MAGI2: variants seen among roughly 807,000 people sequenced by gnomAD.
MAGI2 encodes the protein membrane associated guanylate kinase, WW and PDZ domain containing 2.
Under a neutral mutation model 133.3 loss-of-function variants are expected in MAGI2, and 35 were observed. That is an observed-to-expected ratio of 0.26 (90% CI 0.20 to 0.35). MAGI2 has a LOEUF of 0.35. Ranked by LOEUF, MAGI2 falls within the 10% of genes least tolerant of loss-of-function variation. The probability of loss-of-function intolerance (pLI) is 1.00; values close to 1 mark genes in which losing one functional copy is unlikely to be tolerated. For missense variants in MAGI2, 1,636 were observed against 1,863.4 expected (o/e 0.88, Z 2.25); for synonymous variants, 729 against 710.6 (o/e 1.03, Z -0.41).
chr7:78,094,378 A>G (rs185238937), intron 20 of MAGI2, among the ~76,000 whole-genome samples: 236 of 152,036 alleles, frequency 1.6e-3, no homozygotes, highest in Middle Eastern at 0.01. Context: ...TTTCAGTGAT[A>G]CTCCCTCAAA....
At chr7:78,020,446 A>C (rs771683594) in intron 21 of MAGI2, among the ~76,000 whole-genome samples, 1 of 152,012 alleles carries the variant, frequency 6.6e-6, no homozygotes, top group Non-Finnish European at 1.5e-5. Context: ...AGTCCTCTGT[A>C]TTTTTATCAG....
At chr7:78,953,457 G>A (rs1394651456) in intron 2 of MAGI2, among the ~76,000 whole-genome samples, 2 of 152,102 alleles carry the variant, frequency 1.3e-5, no homozygotes, top group Admixed American at 6.6e-5. Flanking sequence ...GTATGAAATA[G>A]AGTTAAATGG....
chr7:78,480,042 A>C (rs1792192510), intron 6 of MAGI2, among the ~76,000 whole-genome samples: 1 of 151,950 alleles, frequency 6.6e-6, no homozygotes, highest in African/African-American at 2.4e-5. Context: ...CACAAAGTTT[A>C]TTCAAAAAAT....
intron 2 of MAGI2, among the ~76,000 whole-genome samples, chr7:78,752,389 G>A (rs1177210915): frequency 6.6e-6 from 1 of 152,114 alleles, no homozygotes; most frequent in African/African-American, 2.4e-5. Context: ...GATCACCTGA[G>A]GTCAGGAGTT....
intron 1 of MAGI2, among the ~76,000 whole-genome samples, chr7:79,370,106 C>T (rs996587092): frequency 6.6e-6 from 1 of 152,002 alleles, no homozygotes; most frequent in Non-Finnish European, 1.5e-5. Flanking sequence ...TAATTTTCAT[C>T]TAGTTCTAAG....
At chr7:78,729,573 T>A (rs1398055888) in intron 2 of MAGI2, among the ~76,000 whole-genome samples, 1 of 152,230 alleles carries the variant, frequency 6.6e-6, no homozygotes, top group Non-Finnish European at 1.5e-5. Context: ...ATGTTCTAGC[T>A]GTCAGACTAG....
At chr7:78,455,902 C>A (rs2302640) in intron 6 of MAGI2, among the ~76,000 whole-genome samples, 49,746 of 151,668 alleles carry the variant, frequency 0.33, 11,303 homozygotes, top group African/African-American at 0.65. Flanking sequence ...ATCAGTAATA[C>A]CCTAATGTTT....
At chr7:79,178,803 G>A (rs1319416218) in intron 1 of MAGI2, among the ~76,000 whole-genome samples, 1 of 151,644 alleles carries the variant, frequency 6.6e-6, no homozygotes, top group African/African-American at 2.4e-5. Flanking sequence ...ATATCTAAAA[G>A]CATTAACATC....
At chr7:78,632,463 G>T (rs111560387) in intron 2 of MAGI2, among the ~76,000 whole-genome samples, 6,069 of 152,274 alleles carry the variant, frequency 0.04, 162 homozygotes, top group Admixed American at 0.082. Flanking sequence ...CCAGGTGAGT[G>T]TTAGCTAAGT....
At chr7:78,133,494 G>GT (rs748759219) in intron 17 of MAGI2, among the ~76,000 whole-genome samples, 22 of 152,116 alleles carry the variant, frequency 1.4e-4, no homozygotes, top group Non-Finnish European at 2.5e-4. Flanking sequence ...AAAGAAAAAT[G>GT]TTTTTTACAA....
intron 2 of MAGI2, among the ~76,000 whole-genome samples, chr7:78,874,746 T>C (rs367716099): frequency 6.6e-6 from 1 of 152,132 alleles, no homozygotes; most frequent in East Asian, 1.9e-4. Context: ...CAGTTAACAA[T>C]AATACATTGT....
intron 21 of MAGI2, 80 bp from the exon 22 acceptor site, chr7:78,020,056 G>A (rs1032109520): frequency 7.1e-6 from 9 of 1,272,358 alleles, no homozygotes; most frequent in Non-Finnish European, 9.5e-6. Context: ...GACAGGGGCA[G>A]GCAGCTGGGG....
chr7:78,507,700 C>G (rs1157627669), intron 4 of MAGI2, among the ~76,000 whole-genome samples: 1 of 152,148 alleles, frequency 6.6e-6, no homozygotes, highest in African/African-American at 2.4e-5. Context: ...CAATTAGAAA[C>G]AAGGGTACCT....
At chr7:78,299,255 G>C in intron 9 of MAGI2, among the ~76,000 whole-genome samples, 1 of 152,108 alleles carries the variant, frequency 6.6e-6, no homozygotes, top group South Asian at 2.1e-4. Context: ...TGAAGAATGA[G>C]TCATATTTCA....
At chr7:78,582,268 G>A (rs1802912321) in intron 3 of MAGI2, among the ~76,000 whole-genome samples, 1 of 152,174 alleles carries the variant, frequency 6.6e-6, no homozygotes. Context: ...GGCAGGAAAG[G>A]AGTCTAAGAG....
At chr7:79,134,603 A>G (rs1821211759) in intron 1 of MAGI2, among the ~76,000 whole-genome samples, 1 of 152,210 alleles carries the variant, frequency 6.6e-6, no homozygotes, top group East Asian at 1.9e-4. Context: ...AGAAAAATAA[A>G]CTTTCTTTCC....
At chr7:78,770,946 C>A (rs1332907605) in intron 2 of MAGI2, 1 of 152,176 alleles carries the variant, frequency 6.6e-6, no homozygotes, top group African/African-American at 2.4e-5. Flanking sequence ...CTGTACTGAT[C>A]CAACCCATTC....
chr7:78,201,016 A>G (rs1829203002), intron 11 of MAGI2, 146 bp downstream of exon 11: 2 of 575,180 alleles, frequency 3.5e-6, no homozygotes, highest in Non-Finnish European at 6.1e-6. Context: ...CAGATACAAG[A>G]CAAAAGGACA....
intron 6 of MAGI2, among the ~76,000 whole-genome samples, chr7:78,455,090 T>A (rs1789165082): frequency 1.3e-5 from 2 of 152,170 alleles, no homozygotes; most frequent in Admixed American, 6.6e-5. Context: ...GTATCAATAT[T>A]GGCTTATCAA....
Sources: allele counts gnomAD v4.1 joint callset (sites outside exome capture counted in the v4.1 genomes callset), GRCh38; gene constraint gnomAD v4.1.1; transcripts MANE v1.5; gene names NCBI Gene and HGNC (gene_info 2026-07-23, HGNC 2026-07-21).